The following RNGTT variants were observed in gnomAD, a reference collection of about 807,000 sequenced individuals.
The protein encoded by RNGTT is RNA guanylyltransferase and 5'-phosphatase, also known as mRNA-capping enzyme.
In RNGTT, 33 loss-of-function variants were observed where a neutral mutation model predicts 79.3. The observed-to-expected ratio is 0.42, with a 90% CI of 0.32 to 0.56. RNGTT has a LOEUF of 0.56. Ranked by LOEUF, RNGTT falls within the 20% of genes least tolerant of loss-of-function variation. The pLI is 0.17. For synonymous variants in RNGTT, 222 were observed against 235.9 expected (o/e 0.94, Z 0.54); for missense variants, 497 against 739.1 (o/e 0.67, Z 3.80).
intron 6 of RNGTT, among the ~76,000 whole-genome samples, chr6:88,901,957 C>G (rs1277599229): frequency 6.6e-6 from 1 of 151,930 alleles, no homozygotes; most frequent in East Asian, 1.9e-4. Context: ...AAAATGGAAC[C>G]ACAAAAATAC....
At chr6:88,618,909 T>C (rs1772339252) in intron 14 of RNGTT, among the ~76,000 whole-genome samples, 1 of 152,240 alleles carries the variant, frequency 6.6e-6, no homozygotes, top group African/African-American at 2.4e-5. Flanking sequence ...GTATCCTCCA[T>C]TCCTTCTACA....
At chr6:88,658,040 C>T (rs1430203491) in intron 14 of RNGTT, among the ~76,000 whole-genome samples, 3 of 152,166 alleles carry the variant, frequency 2.0e-5, no homozygotes, top group African/African-American at 4.8e-5. Context: ...ACCTGAGAAA[C>T]CCAAGTACTT....
At chr6:88,802,646 G>T (rs1382082418) in intron 11 of RNGTT, among the ~76,000 whole-genome samples, 1 of 152,144 alleles carries the variant, frequency 6.6e-6, no homozygotes, top group Admixed American at 6.5e-5. Flanking sequence ...GTTCCACATG[G>T]CTGGGGTGGC....
Position 88,614,286 on chromosome 6 carries a change from T to C in RNGTT, c.1616A>G (p.Tyr539Cys). The change falls in exon 15 of 16, where the codon TAC becomes TGC. Residue 539 changes from tyrosine (Y) to cysteine (C), a missense_variant. Coordinates refer to ENST00000369485, the MANE Select transcript of RNGTT (RefSeq NM_003800.5). ...GTCATACTCACCCATGGCAGTGTTG[T>C]AGGCATTAGGAAAACTTTTGTCTGT... ...QRTDKSFPNA[Y>C]NTAMAVCNSI... 1.2e-6 allele frequency: 2 copies of C among 1,613,952 alleles called. No homozygotes were observed. Among genetic ancestry groups the C allele is most frequent in the Non-Finnish European group, 1.7e-6 (2 of 1,179,818 alleles).
At chr6:88,962,500 C>G (rs951136487) in intron 1 of RNGTT, among the ~76,000 whole-genome samples, 20 of 152,026 alleles carry the variant, frequency 1.3e-4, no homozygotes, top group African/African-American at 4.8e-4. Flanking sequence ...TGGCCAGGCA[C>G]AGTGGCTCAC....
intron 12 of RNGTT, among the ~76,000 whole-genome samples, chr6:88,775,478 A>G (rs1007712812): frequency 5.9e-5 from 9 of 152,208 alleles, no homozygotes. Flanking sequence ...TTGAATACCC[A>G]CAACTGAGAG....
At chr6:88,819,622 A>G (rs1480635174) in intron 11 of RNGTT, among the ~76,000 whole-genome samples, 1 of 152,194 alleles carries the variant, frequency 6.6e-6, no homozygotes, top group Non-Finnish European at 1.5e-5. Context: ...CAAGGACTTT[A>G]GTACTTGAAT....
intron 13 of RNGTT, among the ~76,000 whole-genome samples, chr6:88,746,426 C>T (rs1582410700): frequency 6.6e-6 from 1 of 152,294 alleles, no homozygotes; most frequent in East Asian, 1.9e-4. Flanking sequence ...CCCAGAAGGG[C>T]CTATTGCTAT....
intron 10 of RNGTT, among the ~76,000 whole-genome samples, chr6:88,845,423 C>T (rs1327550737): frequency 1.3e-5 from 2 of 152,192 alleles, no homozygotes; most frequent in African/African-American, 2.4e-5. Context: ...AAGTCTCGTC[C>T]TATCCATGTG....
intron 11 of RNGTT, 93 bp downstream of exon 11, chr6:88,844,264 G>A: frequency 8.1e-7 from 1 of 1,235,744 alleles, no homozygotes; most frequent in Non-Finnish European, 1.1e-6. Flanking sequence ...ACAAAGTCAA[G>A]ACAACTGGGC....
In RNGTT at chr6:88,906,403, G is replaced by A; in HGVS notation, c.405C>T (p.Phe135=). 6.2e-7 allele frequency: 1 copy of A among 1,603,960 alleles called. No homozygotes were observed. Among genetic ancestry groups the A allele is most frequent in the Admixed American group, 1.7e-5 (1 of 57,702 alleles). ...HCTHGFNRTG[F]LICAFLVEKM... ...TCTCCACCAAAAAGGCACATATGAG[G>A]AAACCAGTGCGATTGAAGCCATGAG... Residue 135 remains phenylalanine (F), a synonymous_variant, in exon 5 of 16, where the codon TTC becomes TTT. Transcript: ENST00000369485.
At chr6:88,936,169 C>CAAACCTCCCACCTTAGCCTCCA (rs1284329194) in intron 2 of RNGTT, among the ~76,000 whole-genome samples, 1 of 152,142 alleles carries the variant, frequency 6.6e-6, no homozygotes, top group Admixed American at 6.6e-5. Flanking sequence ...TAGCCTAAAG[C>CAAACCTCCCACCTTAGCCTCCA]AAACCTCCCA....
intron 13 of RNGTT, among the ~76,000 whole-genome samples, chr6:88,727,288 G>T (rs1776946264): frequency 6.6e-6 from 1 of 152,156 alleles, no homozygotes; most frequent in Admixed American, 6.5e-5. Flanking sequence ...TTATAAGTAG[G>T]CATAAGAATG....
intron 13 of RNGTT, among the ~76,000 whole-genome samples, chr6:88,726,055 GA>G (rs975593587): frequency 6.6e-6 from 1 of 152,098 alleles, no homozygotes; most frequent in Non-Finnish European, 1.5e-5. Context: ...TAGAGAGATA[GA>G]AGTAGTAAAG....
chr6:88,903,221 C>A (rs112597382), intron 6 of RNGTT, among the ~76,000 whole-genome samples: 1 of 152,124 alleles, frequency 6.6e-6, no homozygotes, highest in Non-Finnish European at 1.5e-5. Context: ...AACCCAGCAA[C>A]ATGGTGCTTG....
In RNGTT at chr6:88,638,654, A is replaced by G. The variant is rs1047721265; in HGVS notation, c.1507-24259T>C. ...AATGTAACACATTAAGACATAAAACAAAAGATTCTAGAAAATAAAATATTC... is the reference window on the plus strand; with the variant it reads ...AATGTAACACATTAAGACATAAAACGAAAGATTCTAGAAAATAAAATATTC... On this transcript the variant is annotated intron_variant, in intron 14 of 15. Transcript: ENST00000369485. Among the ~76,000 whole-genome samples the G allele has an allele frequency of 2.0e-5, 3 of 151,596 alleles. No individual in the cohort carries two copies. The South Asian group carries it at 6.2e-4, about 31-fold the overall frequency.
intron 7 of RNGTT, 78 bp downstream of exon 7, chr6:88,891,728 A>T: frequency 1.3e-5 from 11 of 864,452 alleles, no homozygotes; most frequent in Non-Finnish European, 1.8e-5. Context: ...CAAGGAGCCA[A>T]GAAGATATGT....
Position 88,908,303 on chromosome 6 carries a change from T to C in RNGTT, c.368-1863A>G, listed in dbSNP as rs531443353. ...TCTTTGAAAGACATCATTAAGAATA[T>C]AAAAAAGAGTTCTAGGCAAGACGGC... On this transcript the variant is annotated intron_variant, in intron 4 of 15. Transcript: ENST00000369485. 1.1e-4 allele frequency among the ~76,000 whole-genome samples: 16 copies of C among 152,098 alleles called. No individual in the cohort carries two copies. The East Asian group carries it at 2.1e-3, about 20-fold the overall frequency.
At chr6:88,698,828 T>A (rs1775848203) in intron 13 of RNGTT, among the ~76,000 whole-genome samples, 1 of 152,186 alleles carries the variant, frequency 6.6e-6, no homozygotes, top group South Asian at 2.1e-4. Context: ...GTAGCATGAC[T>A]AAGTTCTATT....
Sources: gnomAD v4.1 joint callset for allele counts (sites outside exome capture counted in the v4.1 genomes callset) on GRCh38, gnomAD v4.1.1 for gene constraint, MANE v1.5 for transcripts, NCBI Gene and HGNC (gene_info 2026-07-23, HGNC 2026-07-21) for gene names.